Variants in MAP1B observed in about 807,000 individuals in gnomAD.
MAP1B encodes microtubule-associated protein 1B.
Under a neutral mutation model 176.1 loss-of-function variants are expected in MAP1B, and 12 were observed. The observed-to-expected ratio is 0.07, with a 90% CI of 0.04 to 0.11. MAP1B has a LOEUF of 0.11. Among genes scored for constraint, MAP1B ranks in the 10% least tolerant of loss-of-function variants. MAP1B has a pLI of 1.00. For missense variants in MAP1B, 2,523 were observed against 2,990.5 expected (o/e 0.84, Z 3.65); for synonymous variants, 1,044 against 1,135.0 (o/e 0.92, Z 1.61).
At chr5:72,117,424 G>T (rs1442208294) in intron 2 of MAP1B, among the ~76,000 whole-genome samples, 1 of 152,036 alleles carries the variant, frequency 6.6e-6, no homozygotes, top group Non-Finnish European at 1.5e-5. Flanking sequence ...CTTTTTTTGT[G>T]TGTACAAGTC....
At position 72,206,148 on chromosome 5, in the gene MAP1B, C is replaced by G. The variant is rs2111905169; in HGVS notation, c.*909C>G. On this transcript the variant is annotated 3_prime_UTR_variant, in exon 7 of 7. Coordinates refer to ENST00000296755, the MANE Select transcript of MAP1B (RefSeq NM_005909.5). ...CAATTAACTGAAGCAAATACCAAAGCAGTTGGGAGTACATATGGTAGACAA... is the reference window on the plus strand; with the variant it reads ...CAATTAACTGAAGCAAATACCAAAGGAGTTGGGAGTACATATGGTAGACAA... 6.5e-6 allele frequency: 1 copy of G among 152,784 alleles called. No homozygotes were observed. Among genetic ancestry groups the G allele is most frequent in the African/African-American group, 2.4e-5 (1 of 41,570 alleles). The allele number at this position is 152,784 out of a possible 1,614,324, so 9.5% of individuals were successfully genotyped here.
At chr5:72,155,057 G>A (rs1013547555) in intron 2 of MAP1B, among the ~76,000 whole-genome samples, 10 of 152,194 alleles carry the variant, frequency 6.6e-5, no homozygotes, top group Admixed American at 6.5e-5. Context: ...CTGGTGAGTT[G>A]GAGGTGCATT....
chr5:72,197,859 C>G lies in MAP1B; in HGVS notation c.4504C>G (p.Pro1502Ala). The change falls in exon 5 of 7, where the codon CCC (proline) becomes GCC (alanine). Residue 1502 changes from proline (P) to alanine (A), a missense_variant. Physicochemically the swap from Pro to Ala is conservative, Grantham distance 27. Transcript: ENST00000296755. ...LDERKLGDVS[P>A]TQIDVSQFGS... The stretch of plus-strand genomic sequence containing the variant: ...TGAAAGGAAATTAGGAGATGTTTCT[C>G]CCACACAAATAGATGTCAGTCAGTT... 2 of 1,614,190 alleles carry G rather than the reference C, an allele frequency of 1.2e-6. No homozygotes were observed. The highest frequency in any genetic ancestry group is 1.7e-6 in the Non-Finnish European group (2 of 1,180,026).
chr5:72,127,610 A>G (rs1031371836), intron 2 of MAP1B, among the ~76,000 whole-genome samples: 1 of 152,216 alleles, frequency 6.6e-6, no homozygotes, highest in Admixed American at 6.5e-5. Context: ...GTATAATTTT[A>G]AAAAAGTTAA....
intron 4 of MAP1B, among the ~76,000 whole-genome samples, chr5:72,192,508 C>G (rs796564867): frequency 6.6e-6 from 1 of 152,206 alleles, no homozygotes; most frequent in South Asian, 2.1e-4. Context: ...GACTATTTTA[C>G]TGCAATATTG....
intron 2 of MAP1B, among the ~76,000 whole-genome samples, chr5:72,141,985 CCAGAGGCT>C (rs1250745848): frequency 6.6e-6 from 1 of 152,126 alleles, no homozygotes; most frequent in Non-Finnish European, 1.5e-5. Context: ...GCAGAGAGGC[CCAGAGGCT>C]ATAAAGCCCT....
chr5:72,199,007 A>G lies in MAP1B; in HGVS notation c.5652A>G (p.Glu1884=). The G allele has an allele frequency of 6.2e-7, 1 of 1,614,228 alleles. No homozygotes were observed. Among genetic ancestry groups the G allele is most frequent in the Non-Finnish European group, 8.5e-7 (1 of 1,180,042 alleles). ...AGGAAACAACCAGGTCCCCAGATGA[A>G]GAAGATTATGACTATGAGTCTTATG... ...KPEETTRSPD[E]EDYDYESYEK... Residue 1884 remains glutamate (E), a synonymous_variant, in exon 5 of 7, where the codon GAA becomes GAG. Transcript: ENST00000296755. The surrounding 1 kb of genome is among the most constrained non-coding windows in gnomAD (Gnocchi z 4.2).
chr5:72,167,252 C>G (rs1475938200), intron 2 of MAP1B, among the ~76,000 whole-genome samples: 1 of 152,182 alleles, frequency 6.6e-6, no homozygotes, highest in African/African-American at 2.4e-5. Flanking sequence ...ATTTTCACTG[C>G]ATCTATCTCA....
chr5:72,198,538 C>T lies in MAP1B; in HGVS notation c.5183C>T (p.Ala1728Val). 1 of 1,614,018 alleles carries T rather than the reference C, an allele frequency of 6.2e-7. No individual in the cohort carries two copies. The highest frequency in any genetic ancestry group is 1.1e-5 in the South Asian group (1 of 91,076). Residue 1728 changes from alanine to valine, a missense_variant, in exon 5 of 7, where the codon GCC (alanine) becomes GTC (valine). Ala to Val is a moderately conservative substitution (Grantham distance 64). Around this residue, in one of 4 missense-constraint regions of MAP1B, gnomAD observed 1,925 missense variants for 2,126.0 expected, o/e 0.91. Coordinates refer to ENST00000296755, the MANE Select transcript of MAP1B (RefSeq NM_005909.5). ...SELISVSQVEASPSTSSAHTP... is the reference protein window; with the variant it reads ...SELISVSQVEVSPSTSSAHTP... Reference sequence around the variant, plus strand: ...CTCATCTCAGTATCTCAGGTAGAGGCCTCCCCGTCCACCTCTTCTGCTCAT... The same window carrying T: ...CTCATCTCAGTATCTCAGGTAGAGGTCTCCCCGTCCACCTCTTCTGCTCAT...
Position 72,196,063 on chromosome 5 carries a change from G to A in MAP1B, c.2708G>A (p.Gly903Asp), listed in dbSNP as rs1253727624. 6.2e-7 allele frequency: 1 copy of A among 1,614,212 alleles called. No individual in the cohort carries two copies. Among genetic ancestry groups the A allele is most frequent in the Non-Finnish European group, 8.5e-7 (1 of 1,180,028 alleles). The change falls in exon 5 of 7, where the codon GGC becomes GAC. Residue 903 changes from glycine to aspartate, a missense_variant. Transcript: ENST00000296755. This position sits in a 1 kb window ranked among gnomAD's most constrained non-coding sequence, Gnocchi z 5.3. Reference protein sequence around the residue: ...DEGITTTEGEGECEQTPEELE... With the variant: ...DEGITTTEGEDECEQTPEELE... ...GGAATCACTACCACTGAAGGGGAGG[G>A]CGAATGTGAACAGACACCTGAGGAG... is the stretch of plus-strand genomic sequence containing the variant.
Position 72,197,337 on chromosome 5 carries a change from A to T in MAP1B, c.3982A>T (p.Thr1328Ser). The change falls in exon 5 of 7, where the codon ACT (threonine) becomes TCT (serine). Residue 1328 changes from threonine (T) to serine (S), a missense_variant. Physicochemically the swap from Thr to Ser is moderately conservative, Grantham distance 58. This residue lies in a region of MAP1B where 1,925 missense variants were observed against 2,126.0 expected (regional missense o/e 0.91). Transcript: ENST00000296755. Reference protein sequence around the residue: ...LEVVSPSQSVTGSAGHTPYYQ... With the variant: ...LEVVSPSQSVSGSAGHTPYYQ... ...AGTGGTGTCACCATCTCAGTCCGTG[A>T]CTGGCAGTGCTGGTCACACACCTTA... 1 of 1,614,194 alleles carries T rather than the reference A, an allele frequency of 6.2e-7. No individual in the cohort carries two copies. The highest frequency in any genetic ancestry group is 1.1e-5 in the South Asian group (1 of 91,088).
chr5:72,125,210 T>A (rs1027736813), intron 2 of MAP1B, among the ~76,000 whole-genome samples: 1 of 151,972 alleles, frequency 6.6e-6, no homozygotes, highest in Non-Finnish European at 1.5e-5. Context: ...ATACTAGGAG[T>A]TTTTGGTGGT....
chr5:72,107,982 C>T (rs1342177539), intron 1 of MAP1B, among the ~76,000 whole-genome samples: 1 of 152,250 alleles, frequency 6.6e-6, no homozygotes, highest in Non-Finnish European at 1.5e-5. Context: ...GCCACCGCCT[C>T]TCCCGCTAAG....
At chr5:72,178,922 A>G (rs979575069) in intron 2 of MAP1B, among the ~76,000 whole-genome samples, 1 of 152,196 alleles carries the variant, frequency 6.6e-6, no homozygotes, top group Non-Finnish European at 1.5e-5. Context: ...TATAAGACAC[A>G]TAGGTTCAAT....
At chr5:72,113,960 A>G (rs1057070481) in intron 1 of MAP1B, among the ~76,000 whole-genome samples, 4 of 152,252 alleles carry the variant, frequency 2.6e-5, no homozygotes, top group South Asian at 2.1e-4. Flanking sequence ...TAAAATTCAA[A>G]TACTCCATTA....
At chr5:72,182,996 A>G (rs6874822) in intron 2 of MAP1B, among the ~76,000 whole-genome samples, 2,060 of 152,284 alleles carry the variant, frequency 0.014, 53 homozygotes, top group African/African-American at 0.046. Context: ...GAATGACCCT[A>G]GGACCTGTGA....
At chr5:72,189,983 G>A (rs1041738956) in intron 4 of MAP1B, among the ~76,000 whole-genome samples, 102 of 152,278 alleles carry the variant, frequency 6.7e-4, no homozygotes, top group African/African-American at 2.4e-3. Context: ...AGTGTTGACA[G>A]GTCATAAGGC....
chr5:72,186,490 C>G lies in MAP1B; in HGVS notation c.370-124C>G. ...TTCTGGCCTCCAGGAGAAATTAGAC[C>G]TTTGGGGAATGAATGCTTTTTGCTG... On this transcript the variant is annotated intron_variant, in intron 3 of 6. Transcript: ENST00000296755. This position sits in a 1 kb window ranked among gnomAD's most constrained non-coding sequence, Gnocchi z 4.3. 1 of 1,231,194 alleles carries G rather than the reference C, an allele frequency of 8.1e-7. No individual in the cohort carries two copies. Among genetic ancestry groups the G allele is most frequent in the Non-Finnish European group, 1.1e-6 (1 of 877,814 alleles). The allele number at this position is 1,231,194 out of a possible 1,614,324, so 76.3% of individuals were successfully genotyped here.
At chr5:72,168,481 T>C (rs979748031) in intron 2 of MAP1B, among the ~76,000 whole-genome samples, 2 of 152,246 alleles carry the variant, frequency 1.3e-5, no homozygotes, top group Non-Finnish European at 1.5e-5. Context: ...ATTGCATATA[T>C]TCCAAGTGTA....
Sources: gnomAD v4.1 joint callset for allele counts (sites outside exome capture counted in the v4.1 genomes callset) on GRCh38, gnomAD v4.1.1 for gene constraint, gnomAD v4.1.1 regional missense constraint, Gnocchi (gnomAD v3.1) non-coding constraint, MANE v1.5 for transcripts, NCBI Gene and HGNC (gene_info 2026-07-23, HGNC 2026-07-21) for gene names.